CDH7: variants seen among roughly 807,000 people sequenced by gnomAD.
The protein encoded by CDH7 is cadherin 7, also known as cadherin-7.
A neutral mutation model predicts 71.8 loss-of-function variants in CDH7; 25 were observed. The ratio of observed to expected loss-of-function variants is 0.35; its 90% CI spans 0.25 to 0.49. The LOEUF is 0.49. Among genes scored for constraint, CDH7 ranks in the 20% least tolerant of loss-of-function variants. The probability of loss-of-function intolerance (pLI) is 0.99; values close to 1 mark genes in which losing one functional copy is unlikely to be tolerated. For synonymous variants in CDH7, 381 were observed against 363.8 expected (o/e 1.05, Z -0.54); for missense variants, 862 against 974.6 (o/e 0.88, Z 1.54).
intron 2 of CDH7, among the ~76,000 whole-genome samples, chr18:65,765,861 T>A (rs1216233444): frequency 6.6e-6 from 1 of 152,174 alleles, no homozygotes; most frequent in Non-Finnish European, 1.5e-5. Context: ...GTTTTAGTTT[T>A]CTAATCTATA....
At chr18:65,827,109 T>C (rs899399588) in intron 6 of CDH7, among the ~76,000 whole-genome samples, 1 of 151,748 alleles carries the variant, frequency 6.6e-6, no homozygotes, top group African/African-American at 2.4e-5. Flanking sequence ...AATCATTATA[T>C]GAGAAGTTAG....
At position 65,885,129 on chromosome 18, in the gene CDH7, A is replaced by T. The variant is rs1382945370; in HGVS notation, c.*4235A>T. On this transcript the variant is annotated 3_prime_UTR_variant, in exon 12 of 12. Coordinates refer to ENST00000397968, the MANE Select transcript of CDH7 (RefSeq NM_004361.5). ...AGTCGGCTGGATATAATAAAGAACA[A>T]GAAAGGAATAATAGCATTTGCATTT... 6.6e-6 allele frequency: 1 copy of T among 152,264 alleles called. No individual in the cohort carries two copies. The highest frequency in any genetic ancestry group is 2.1e-4 in the South Asian group (1 of 4,832). The allele number at this position is 152,264 out of a possible 1,614,324, so 9.4% of individuals were successfully genotyped here. A position where few individuals can be genotyped will look rare whatever the true frequency, so the allele number is the denominator to read the frequency against.
At chr18:65,773,208 T>A (rs1015428609) in intron 2 of CDH7, among the ~76,000 whole-genome samples, 2 of 152,102 alleles carry the variant, frequency 1.3e-5, no homozygotes, top group African/African-American at 4.8e-5. Flanking sequence ...CATCTTGGAA[T>A]TCACCAAAAA....
At chr18:65,847,960 A>AG (rs1320964495) in intron 7 of CDH7, among the ~76,000 whole-genome samples, 2 of 122,878 alleles carry the variant, frequency 1.6e-5, no homozygotes, top group Admixed American at 1.0e-4. Flanking sequence ...GATTACTTAG[A>AG]GGGAAAAAAA....
rs1031864975 is a variant in CDH7, at chr18:65,883,601, C to G, written c.*2707C>G. The G allele has an allele frequency of 1.1e-4, 16 of 152,046 alleles. No homozygotes were observed. The highest frequency in any genetic ancestry group is 3.9e-4 in the African/African-American group (16 of 41,410). 9.4% of individuals were successfully genotyped at this position (152,046 alleles called of 1,614,324 possible). A position where few individuals can be genotyped will look rare whatever the true frequency, so the allele number is the denominator to read the frequency against. ...ACTAATTCTTCATATCTCTTCCCAA[C>G]TCCAGGTACAGTGATATCATTTTGG... On this transcript the variant is annotated 3_prime_UTR_variant, in exon 12 of 12. Transcript: ENST00000397968.
intron 7 of CDH7, among the ~76,000 whole-genome samples, chr18:65,847,359 T>C (rs1568217314): frequency 6.6e-6 from 1 of 152,214 alleles, no homozygotes; most frequent in East Asian, 1.9e-4. Context: ...GTTTGACTTG[T>C]AAAACAGTGT....
chr18:65,839,609 T>C (rs1048828473), intron 6 of CDH7, among the ~76,000 whole-genome samples: 16 of 152,208 alleles, frequency 1.1e-4, no homozygotes, highest in African/African-American at 3.9e-4. Context: ...AAGATATGTG[T>C]GTACAACTCT....
At chr18:65,752,772 G>A (rs951436620) in intron 1 of CDH7, among the ~76,000 whole-genome samples, 6 of 152,188 alleles carry the variant, frequency 3.9e-5, no homozygotes, top group African/African-American at 1.4e-4. Flanking sequence ...AGCTAGCCGA[G>A]TCTGTCTGAG....
At position 65,862,693 on chromosome 18, in the gene CDH7, G is replaced by C. The variant is rs140905426; in HGVS notation, c.1640G>C (p.Arg547Thr). 322 of 1,614,034 alleles carry C rather than the reference G, an allele frequency of 2.0e-4. 1 individual carries two copies. The highest frequency in any genetic ancestry group is 2.7e-4 in the Non-Finnish European group (314 of 1,180,014). ...AACACAGCCTCAATACTGACCAGGA[G>C]AAACGGCTTCCGGAGACAGGAACAA... ...KDNTASILTR[R>T]NGFRRQEQSV... Residue 547 changes from arginine to threonine, a missense_variant, in exon 11 of 12, where the codon AGA becomes ACA. Physicochemically the swap from Arg to Thr is moderately conservative, Grantham distance 71. Coordinates refer to ENST00000397968, the MANE Select transcript of CDH7 (RefSeq NM_004361.5).
intron 7 of CDH7, among the ~76,000 whole-genome samples, chr18:65,855,414 G>A (rs533014123): frequency 3.3e-5 from 5 of 150,280 alleles, no homozygotes; most frequent in South Asian, 2.1e-4. Context: ...TACACACCCC[G>A]CAAACATAAA....
At chr18:65,865,655 A>C in intron 11 of CDH7, 1 of 152,118 alleles carries the variant, frequency 6.6e-6, no homozygotes, top group East Asian at 1.9e-4. Context: ...TTTGTGTCTT[A>C]TTTCCCAAGT....
intron 6 of CDH7, among the ~76,000 whole-genome samples, chr18:65,828,174 A>G (rs1912200528): frequency 6.6e-6 from 1 of 152,016 alleles, no homozygotes; most frequent in Non-Finnish European, 1.5e-5. Flanking sequence ...AATATGTTCC[A>G]GTGTCCAAAC....
chr18:65,864,765 C>A (rs941490106), intron 11 of CDH7, among the ~76,000 whole-genome samples: 34 of 151,558 alleles, frequency 2.2e-4, no homozygotes, highest in Non-Finnish European at 4.4e-4. Flanking sequence ...GTGGCGGGCG[C>A]CTGTAGTCCC....
chr18:65,759,371 A>G (rs755976113), intron 1 of CDH7, among the ~76,000 whole-genome samples: 14 of 151,302 alleles, frequency 9.3e-5, no homozygotes, highest in Non-Finnish European at 1.9e-4. Flanking sequence ...CAGCCCCCCA[A>G]GTAGCTGGGA....
chr18:65,847,026 G>GTACGCA (rs1555688707), intron 7 of CDH7, among the ~76,000 whole-genome samples: 2 of 151,698 alleles, frequency 1.3e-5, no homozygotes. Flanking sequence ...AGGTTGTCTT[G>GTACGCA]TACTCACGCG....
chr18:65,825,613 C>A (rs1329240423), intron 6 of CDH7, among the ~76,000 whole-genome samples: 1 of 151,686 alleles, frequency 6.6e-6, no homozygotes, highest in Non-Finnish European at 1.5e-5. Flanking sequence ...AATATCTTGA[C>A]CCCTAAGATA....
intron 6 of CDH7, among the ~76,000 whole-genome samples, chr18:65,838,226 A>G (rs1912603220): frequency 6.6e-6 from 1 of 152,152 alleles, no homozygotes; most frequent in Non-Finnish European, 1.5e-5. Flanking sequence ...GACCTAACAT[A>G]AAATTATTGT....
chr18:65,817,706 A>G (rs894132108), intron 4 of CDH7, among the ~76,000 whole-genome samples: 35 of 152,194 alleles, frequency 2.3e-4, no homozygotes, highest in Admixed American at 2.0e-3. Context: ...TAGTTTCTGT[A>G]TAGCCAGGGC....
intron 2 of CDH7, among the ~76,000 whole-genome samples, chr18:65,763,318 G>C (rs1463573662): frequency 6.6e-6 from 1 of 152,092 alleles, no homozygotes; most frequent in Non-Finnish European, 1.5e-5. Context: ...CAGAGGCCTA[G>C]TTTACTCTGG....
Sources: gnomAD v4.1 joint callset for allele counts (sites outside exome capture counted in the v4.1 genomes callset) on GRCh38, gnomAD v4.1.1 for gene constraint, MANE v1.5 for transcripts, NCBI Gene and HGNC (gene_info 2026-07-23, HGNC 2026-07-21) for gene names.